LRFN1: variants seen among roughly 807,000 people sequenced by gnomAD.
The protein encoded by LRFN1 is leucine rich repeat and fibronectin type III domain containing 1, also known as leucine-rich repeat and fibronectin type III domain-containing protein 1.
Under a neutral mutation model 31.8 loss-of-function variants are expected in LRFN1, and 20 were observed. The observed-to-expected ratio is 0.63, with a 90% CI of 0.44 to 0.91. The LOEUF is 0.91. Among genes scored for constraint, LRFN1 ranks in the 40% least tolerant of loss-of-function variants. LRFN1 has a pLI of 0.00. For missense variants in LRFN1, 912 were observed against 1,129.8 expected, an observed-to-expected ratio of 0.81 and a Z score of 2.76; for synonymous variants, 514 against 541.3, an observed-to-expected ratio of 0.95 and a Z score of 0.70.
At chr19:39,320,132 C>T (rs1029074760) in intron 1 of LRFN1, among the ~76,000 whole-genome samples, 4 of 149,388 alleles carry the variant, frequency 2.7e-5, no homozygotes, top group Non-Finnish European at 5.9e-5. Flanking sequence ...AAGGGGAAGA[C>T]ATGGCCGCTT....
Position 39,314,879 on chromosome 19 carries a change from T to C in LRFN1, c.458A>G (p.Glu153Gly), listed in dbSNP as rs2075165485. 1.2e-6 allele frequency: 2 copies of C among 1,610,042 alleles called. No homozygotes were observed. The highest frequency in any genetic ancestry group is 1.3e-5 in the African/African-American group (1 of 75,024). ...ILGNNQIRRVESAAFDAFLST... is the reference protein window; with the variant it reads ...ILGNNQIRRVGSAAFDAFLST... ...CAGGAAGGCGTCAAAGGCCGCCGACTCCACCCGGCGGATCTGGTTGTTTCC... is the reference window on the plus strand; with the variant it reads ...CAGGAAGGCGTCAAAGGCCGCCGACCCCACCCGGCGGATCTGGTTGTTTCC... The change falls in exon 4 of 5, where the codon GAG (glutamate) becomes GGG (glycine). Residue 153 changes from glutamate to glycine, a missense_variant. Glu to Gly is a moderately conservative substitution (Grantham distance 98, BLOSUM62 -2). Coordinates refer to ENST00000248668, the MANE Select transcript of LRFN1 (RefSeq NM_020862.2).
chr19:39,315,883 G>A lies in LRFN1; in HGVS notation c.-38+199C>T, dbSNP rs909784250. Among the ~76,000 whole-genome samples the A allele has an allele frequency of 1.6e-4, 25 of 152,086 alleles. No individual in the cohort carries two copies. Among genetic ancestry groups the A allele is most frequent in the Admixed American group, 6.6e-4 (10 of 15,266 alleles). On this transcript the variant is annotated intron_variant, in intron 3 of 4. Coordinates refer to ENST00000248668, the MANE Select transcript of LRFN1 (RefSeq NM_020862.2). The surrounding 1 kb of genome is among the most constrained non-coding windows in gnomAD (Gnocchi z 4.7). ...ATAGAATACCCCTGTCCCTACTTGC[G>A]TGTCCCACCCTCACCTCTGCCCCTC...
chr19:39,318,023 G>A (rs1293502681), intron 2 of LRFN1, among the ~76,000 whole-genome samples: 3 of 152,000 alleles, frequency 2.0e-5, no homozygotes, highest in Non-Finnish European at 4.4e-5. Context: ...CTGATATCAT[G>A]AGGAAACCTT....
chr19:39,313,214 C>T (rs557536529), intron 4 of LRFN1, among the ~76,000 whole-genome samples: 1 of 152,208 alleles, frequency 6.6e-6, no homozygotes, highest in South Asian at 2.1e-4. Context: ...TTCAGTAGTA[C>T]TGGTATATAA....
At chr19:39,309,478 CAAAAA>C (rs71169583) in intron 4 of LRFN1, among the ~76,000 whole-genome samples, 17 of 32,002 alleles carry the variant, frequency 5.3e-4, no homozygotes, top group Non-Finnish European at 7.9e-4. Context: ...ACAAACAAAC[CAAAAA>C]AAAAAAAAAA....
At position 39,307,513 on chromosome 19, in the gene LRFN1, G is replaced by A; in HGVS notation, c.*120C>T. ...TGCCCCGCCCCCTCCCGGGGACAAGGGCGCGTCTCCACTCTGGTCCAATGT... is the reference window on the plus strand; with the variant it reads ...TGCCCCGCCCCCTCCCGGGGACAAGAGCGCGTCTCCACTCTGGTCCAATGT... On this transcript the variant is annotated 3_prime_UTR_variant, in exon 5 of 5. Coordinates refer to ENST00000248668, the MANE Select transcript of LRFN1 (RefSeq NM_020862.2). This position sits in a 1 kb window ranked among gnomAD's most constrained non-coding sequence, Gnocchi z 6.7. 8 of 1,126,308 alleles carry A rather than the reference G, an allele frequency of 7.1e-6. No homozygotes were observed. Among genetic ancestry groups the A allele is most frequent in the South Asian group, 2.6e-5 (1 of 37,840 alleles). The allele number at this position is 1,126,308 out of a possible 1,614,324, so 69.8% of individuals were successfully genotyped here. A position where few individuals can be genotyped will look rare whatever the true frequency, so the allele number is the denominator to read the frequency against.
Position 39,308,040 on chromosome 19 carries a change from C to G in LRFN1, c.1909G>C (p.Val637Leu). Reference sequence around the variant, plus strand: ...CCGCCCAGAGAACGTCCAAGGACCACCTCCGGCTCCGCGGATGCCGTCTCG... The same window carrying G: ...CCGCCCAGAGAACGTCCAAGGACCAGCTCCGGCTCCGCGGATGCCGTCTCG... ...EAETASAEPEVVLGRSLGGSA... is the reference protein window; with the variant it reads ...EAETASAEPELVLGRSLGGSA... The change falls in exon 5 of 5, where the codon GTG (valine) becomes CTG (leucine). Residue 637 changes from valine to leucine, a missense_variant. This residue lies in a region of LRFN1 where 511 missense variants were observed against 557.0 expected (regional missense o/e 0.92). Transcript: ENST00000248668. This position sits in a 1 kb window ranked among gnomAD's most constrained non-coding sequence, Gnocchi z 6.2. The G allele has an allele frequency of 7.8e-6, 12 of 1,533,238 alleles. No individual in the cohort carries two copies. The highest frequency in any genetic ancestry group is 1.0e-5 in the Non-Finnish European group (12 of 1,145,038). The allele number at this position is 1,533,238 out of a possible 1,614,324, so 95.0% of individuals were successfully genotyped here.
chr19:39,314,097 G>A lies in LRFN1; in HGVS notation c.1240C>T (p.Pro414Ser). 1 of 1,612,420 alleles carries A rather than the reference G, an allele frequency of 6.2e-7. No homozygotes were observed. Among genetic ancestry groups the A allele is most frequent in the Non-Finnish European group, 8.5e-7 (1 of 1,179,406 alleles). Residue 414 changes from proline (P) to serine (S), a missense_variant, in exon 4 of 5, where the codon CCG becomes TCG. Physicochemically the swap from Pro to Ser is moderately conservative, Grantham distance 74 (BLOSUM62 -1). This residue lies in a region of LRFN1 where 511 missense variants were observed against 557.0 expected (regional missense o/e 0.92). Coordinates refer to ENST00000248668, the MANE Select transcript of LRFN1 (RefSeq NM_020862.2). ...TEPGSSDIAT[P>S]GRPGANDSAA... ...GAATCGTTGGCACCTGGTCTGCCCG[G>A]CGTGGCGATGTCAGAGGAGCCGGGC...
rs71169583 is a variant in LRFN1 at position 39,309,478 on chromosome 19, C to CAAAAAAAAAAAAAAAA, written c.1407-952_1407-937dup. 4.1e-4 allele frequency among the ~76,000 whole-genome samples: 13 copies of CAAAAAAAAAAAAAAAA among 31,998 alleles called. 3 individuals are homozygous for CAAAAAAAAAAAAAAAA. Among genetic ancestry groups the CAAAAAAAAAAAAAAAA allele is most frequent in the African/African-American group, 1.9e-3 (13 of 6,826 alleles). The allele number at this position is 31,998 out of a possible 152,430, so 21.0% of individuals were successfully genotyped here. Reference sequence around the variant, plus strand: ...ACTCTGTCTCAAAAAACAAACAAACCAAAAAAAAAAAAAAAAAAAAAAAAA... The same window carrying CAAAAAAAAAAAAAAAA: ...ACTCTGTCTCAAAAAACAAACAAACCAAAAAAAAAAAAAAAAAAAAAAAAAAAAAAAAAAAAAAAAA... On this transcript the variant is annotated intron_variant, in intron 4 of 4. Coordinates refer to ENST00000248668, the MANE Select transcript of LRFN1 (RefSeq NM_020862.2).
Position 39,314,524 on chromosome 19 carries a change from G to A in LRFN1, c.813C>T (p.Asp271=). Residue 271 remains aspartate, a synonymous_variant, in exon 4 of 5, where the codon GAC becomes GAT. Transcript: ENST00000248668. ...LWLRRLTRED[D]LETCATPEHL... Reference sequence around the variant, plus strand: ...GTTCGGGCGTGGCGCAGGTCTCTAAGTCGTCCTCGCGGGTCAGCCGCCGCA... The same window carrying A: ...GTTCGGGCGTGGCGCAGGTCTCTAAATCGTCCTCGCGGGTCAGCCGCCGCA... 1 of 1,610,182 alleles carries A rather than the reference G, an allele frequency of 6.2e-7. No homozygotes were observed. The highest frequency in any genetic ancestry group is 8.5e-7 in the Non-Finnish European group (1 of 1,178,980).
chr19:39,319,491 C>T (rs1356583202), intron 1 of LRFN1, among the ~76,000 whole-genome samples: 1 of 152,110 alleles, frequency 6.6e-6, no homozygotes, highest in Non-Finnish European at 1.5e-5. Context: ...CTGATCCACA[C>T]TGGAACACGC....
chr19:39,318,541 C>G (rs777733552), intron 1 of LRFN1, among the ~76,000 whole-genome samples, 183 bp from the exon 2 acceptor site: 2 of 152,110 alleles, frequency 1.3e-5, no homozygotes, highest in Non-Finnish European at 2.9e-5. Flanking sequence ...CTAGATTAGG[C>G]CTCAGGGTTG....
chr19:39,314,600 G>T lies in LRFN1; in HGVS notation c.737C>A (p.Thr246Asn). 6.2e-7 allele frequency: 1 copy of T among 1,610,092 alleles called. No homozygotes were observed. The highest frequency in any genetic ancestry group is 8.5e-7 in the Non-Finnish European group (1 of 1,178,348). Residue 246 changes from threonine (T) to asparagine (N), a missense_variant, in exon 4 of 5, where the codon ACC becomes AAC. Transcript: ENST00000248668. ...GTGPKPPTPL[T>N]VSFGGNPLHC... is the part of the protein sequence containing the mutation. ...CAGGGGGTTGCCGCCGAAGCTGACG[G>T]TCAGCGGGGTGGGCGGCTTGGGCCC...
In LRFN1 at chr19:39,315,718, C is replaced by CTGAA. The variant is rs755253468; in HGVS notation, c.-37-349_-37-346dup. Among the ~76,000 whole-genome samples, 1 of 152,104 alleles carries CTGAA rather than the reference C, an allele frequency of 6.6e-6. No individual in the cohort carries two copies. The highest frequency in any genetic ancestry group is 1.5e-5 in the Non-Finnish European group (1 of 68,026). The stretch of plus-strand genomic sequence containing the variant: ...CCTGTAATCCCAGCTACTTGGGAGG[C>CTGAA]TGAAGCACGAGAATCGCTTGAACCA... On this transcript the variant is annotated intron_variant, in intron 3 of 4. Coordinates refer to ENST00000248668, the MANE Select transcript of LRFN1 (RefSeq NM_020862.2). This position sits in a 1 kb window ranked among gnomAD's most constrained non-coding sequence, Gnocchi z 4.7.
intron 4 of LRFN1, among the ~76,000 whole-genome samples, chr19:39,311,306 G>T (rs575184995): frequency 6.6e-6 from 1 of 152,270 alleles, no homozygotes; most frequent in South Asian, 2.1e-4. Context: ...GCCCTACAGG[G>T]AAGAGAAGAG....
chr19:39,310,294 T>A (rs752451777), intron 4 of LRFN1, among the ~76,000 whole-genome samples: 6 of 152,202 alleles, frequency 3.9e-5, no homozygotes, highest in Non-Finnish European at 8.8e-5. Context: ...TGTGTCTCAT[T>A]TTCCCCAAAT....
chr19:39,308,538 T>G lies in LRFN1; in HGVS notation c.1411A>C (p.Ile471Leu). Residue 471 changes from isoleucine to leucine, a missense_variant, in exon 5 of 5, where the codon ATC (isoleucine) becomes CTC (leucine). Physicochemically the swap from Ile to Leu is conservative, Grantham distance 5. This residue lies in a region of LRFN1 where 511 missense variants were observed against 557.0 expected (regional missense o/e 0.92). Coordinates refer to ENST00000248668, the MANE Select transcript of LRFN1 (RefSeq NM_020862.2). The surrounding 1 kb of genome is among the most constrained non-coding windows in gnomAD (Gnocchi z 6.2). The part of the protein sequence containing the change: ...SVDDSLVYRM[I>L]PSTSQTFLVN... The stretch of plus-strand genomic sequence containing the variant: ...AGGAAGGTCTGACTGGTGGACGGGA[T>G]CATCCTGTAGGAGGGGGCGGGTTCA... The G allele has an allele frequency of 6.9e-7, 1 of 1,453,314 alleles. No homozygotes were observed. The highest frequency in any genetic ancestry group is 9.4e-7 in the Non-Finnish European group (1 of 1,063,142). The allele number at this position is 1,453,314 out of a possible 1,614,324, so 90.0% of individuals were successfully genotyped here. A position where few individuals can be genotyped will look rare whatever the true frequency, so the allele number is the denominator to read the frequency against.
At position 39,308,551 on chromosome 19, in the gene LRFN1, G is replaced by GGGGGCGGGTTC. The variant is rs2075139331; in HGVS notation, c.1407-20_1407-10dup. 1 of 1,578,024 alleles carries GGGGGCGGGTTC rather than the reference G, an allele frequency of 6.3e-7. No individual in the cohort carries two copies. Among genetic ancestry groups the GGGGGCGGGTTC allele is most frequent in the Non-Finnish European group, 8.6e-7 (1 of 1,168,598 alleles). Reference sequence around the variant, plus strand: ...TGGTGGACGGGATCATCCTGTAGGAGGGGGCGGGTTCAGGGCGGGGTTAGT... The same window carrying GGGGGCGGGTTC: ...TGGTGGACGGGATCATCCTGTAGGAGGGGGCGGGTTCGGGGCGGGTTCAGGGCGGGGTTAGT... On this transcript the variant is annotated splice_polypyrimidine_tract_variant and intron_variant, in intron 4 of 4. Coordinates refer to ENST00000248668, the MANE Select transcript of LRFN1 (RefSeq NM_020862.2). This position sits in a 1 kb window ranked among gnomAD's most constrained non-coding sequence, Gnocchi z 6.2.
Position 39,307,511 on chromosome 19 carries a change from A to G in LRFN1, c.*122T>C, listed in dbSNP as rs2145026603. On this transcript the variant is annotated 3_prime_UTR_variant, in exon 5 of 5. Transcript: ENST00000248668. This position sits in a 1 kb window ranked among gnomAD's most constrained non-coding sequence, Gnocchi z 6.7. ...GCTGCCCCGCCCCCTCCCGGGGACA[A>G]GGGCGCGTCTCCACTCTGGTCCAAT... 4 of 1,105,708 alleles carry G rather than the reference A, an allele frequency of 3.6e-6. No individual in the cohort carries two copies. The highest frequency in any genetic ancestry group is 3.3e-4 in the Middle Eastern group (1 of 3,040). 68.5% of individuals were successfully genotyped at this position (1,105,708 alleles called of 1,614,324 possible). A position where few individuals can be genotyped will look rare whatever the true frequency, so the allele number is the denominator to read the frequency against.
Sources: allele counts gnomAD v4.1 joint callset (sites outside exome capture counted in the v4.1 genomes callset), GRCh38; gene constraint gnomAD v4.1.1; regional missense constraint gnomAD v4.1.1; non-coding constraint Gnocchi (gnomAD v3.1); transcripts MANE v1.5; gene names NCBI Gene and HGNC (gene_info 2026-07-23, HGNC 2026-07-21).